Variants in NAV2 observed in about 807,000 individuals in gnomAD.
NAV2 encodes neuron navigator 2.
NAV2 carries 54 observed loss-of-function variants against 223.2 expected under a neutral mutation model. That is an observed-to-expected ratio of 0.24 (90% CI 0.19 to 0.30). The LOEUF (loss-of-function observed/expected upper bound fraction) is 0.30. Ranked by LOEUF, NAV2 falls within the 10% of genes least tolerant of loss-of-function variation. NAV2 has a pLI of 1.00. For missense variants in NAV2, 2,806 were observed against 3,147.5 expected, an observed-to-expected ratio of 0.89 and a Z score of 2.60; for synonymous variants, 1,279 against 1,239.3, an observed-to-expected ratio of 1.03 and a Z score of -0.67.
At chr11:19,707,306 T>C (rs574573524) in intron 1 of NAV2, among the ~76,000 whole-genome samples, 1 of 152,388 alleles carries the variant, frequency 6.6e-6, no homozygotes, top group African/African-American at 2.4e-5. Flanking sequence ...TTTTTGACTC[T>C]TGAAATAACA....
At chr11:19,816,414 A>T (rs1448414845) in intron 1 of NAV2, among the ~76,000 whole-genome samples, 1 of 152,234 alleles carries the variant, frequency 6.6e-6, no homozygotes, top group Non-Finnish European at 1.5e-5. Context: ...ATGGCCATTT[A>T]TGAGAATGTC....
At chr11:20,116,119 C>G (rs1361407809) in intron 37 of NAV2, among the ~76,000 whole-genome samples, 1 of 152,142 alleles carries the variant, frequency 6.6e-6, no homozygotes, top group East Asian at 1.9e-4. Context: ...CCCAAGCTTT[C>G]TTGGCAGGCA....
At chr11:19,785,684 G>A (rs946401905) in intron 1 of NAV2, among the ~76,000 whole-genome samples, 9 of 149,096 alleles carry the variant, frequency 6.0e-5, no homozygotes, top group African/African-American at 2.3e-4. Context: ...AGTAGTAAAT[G>A]TTCTGTCCAC....
At chr11:20,034,719 T>C (rs1350202892) in intron 11 of NAV2, among the ~76,000 whole-genome samples, 1 of 152,212 alleles carries the variant, frequency 6.6e-6, no homozygotes, top group Non-Finnish European at 1.5e-5. Context: ...TTGCTACATA[T>C]CTGCTACACC....
intron 19 of NAV2, among the ~76,000 whole-genome samples, chr11:20,058,213 A>T (rs1313655263): frequency 1.3e-5 from 2 of 152,240 alleles, no homozygotes; most frequent in Non-Finnish European, 2.9e-5. Context: ...GACCAAACAG[A>T]ACCTCCTTGT....
chr11:20,106,183 GTATATATATATATA>G lies in NAV2; in HGVS notation c.6841+490_6841+503del, dbSNP rs1182631250. On this transcript the variant is annotated intron_variant, in intron 35 of 37. Coordinates refer to ENST00000349880, the MANE Select transcript of NAV2 (RefSeq NM_145117.5). Reference sequence around the variant, plus strand: ...TATATATATATATATATATGTGTGTGTATATATATATATATATATATATATATATATATATATAT... The same window carrying G: ...TATATATATATATATATATGTGTGTGTATATATATATATATATATATATAT... Among the ~76,000 whole-genome samples the G allele has an allele frequency of 5.8e-3, 147 of 25,528 alleles. 18 individuals are homozygous for G. The highest frequency in any genetic ancestry group is 8.5e-3 in the Non-Finnish European group (89 of 10,516). 16.7% of individuals were successfully genotyped at this position (25,528 alleles called of 152,430 possible).
intron 7 of NAV2, among the ~76,000 whole-genome samples, chr11:19,936,121 A>G (rs7930062): frequency 0.17 from 24,902 of 150,680 alleles, 2,740 homozygotes; most frequent in East Asian, 0.38. Flanking sequence ...CACCCTCCTC[A>G]GCCTCCTAAA....
chr11:19,515,797 G>C (rs1036938560), intron 1 of NAV2, among the ~76,000 whole-genome samples: 3 of 152,186 alleles, frequency 2.0e-5, no homozygotes, highest in Admixed American at 2.0e-4. Flanking sequence ...AGGGTGGGGT[G>C]GGAAGTGCTA....
intron 6 of NAV2, among the ~76,000 whole-genome samples, chr11:19,911,852 G>C (rs545541111): frequency 6.6e-6 from 1 of 152,110 alleles, no homozygotes; most frequent in African/African-American, 2.4e-5. Context: ...TCCAGTGATC[G>C]GTTTATTTGT....
At chr11:19,899,992 G>A (rs1383371858) in intron 6 of NAV2, among the ~76,000 whole-genome samples, 1 of 152,160 alleles carries the variant, frequency 6.6e-6, no homozygotes, top group Non-Finnish European at 1.5e-5. Context: ...CCCAGGCCAG[G>A]GAGAGCTTAG....
intron 1 of NAV2, among the ~76,000 whole-genome samples, chr11:19,707,305 C>G (rs2049693461): frequency 1.3e-5 from 2 of 152,188 alleles, no homozygotes; most frequent in African/African-American, 4.8e-5. Flanking sequence ...CTTTTTGACT[C>G]TTGAAATAAC....
intron 1 of NAV2, among the ~76,000 whole-genome samples, chr11:19,825,775 G>T (rs114268830): frequency 0.017 from 2,547 of 152,226 alleles, 64 homozygotes; most frequent in African/African-American, 0.058. Context: ...TTCTTTACTT[G>T]AATTGATCTG....
intron 2 of NAV2, among the ~76,000 whole-genome samples, chr11:19,833,631 TA>T (rs1434393741): frequency 6.6e-6 from 1 of 152,260 alleles, no homozygotes; most frequent in African/African-American, 2.4e-5. Context: ...CTTAGCCACT[TA>T]AAACAACATG....
intron 1 of NAV2, among the ~76,000 whole-genome samples, chr11:19,735,885 T>C (rs2052244236): frequency 6.6e-6 from 1 of 152,084 alleles, no homozygotes; most frequent in South Asian, 2.1e-4. Context: ...GAGGCTGACA[T>C]TGCGGGGAGG....
intron 1 of NAV2, among the ~76,000 whole-genome samples, chr11:19,375,835 G>T (rs1207835680): frequency 1.3e-5 from 2 of 151,906 alleles, no homozygotes; most frequent in African/African-American, 2.4e-5. Context: ...GATGGTGGGG[G>T]GTGTGTGTTT....
intron 10 of NAV2, among the ~76,000 whole-genome samples, chr11:19,967,610 A>C (rs1248987955): frequency 6.6e-6 from 1 of 152,140 alleles, no homozygotes; most frequent in Non-Finnish European, 1.5e-5. Context: ...ATAAGGAAAA[A>C]TGTGCCCAAA....
intron 6 of NAV2, among the ~76,000 whole-genome samples, chr11:19,900,347 A>G (rs965182208): frequency 6.6e-6 from 1 of 152,198 alleles, no homozygotes; most frequent in Non-Finnish European, 1.5e-5. Context: ...GGGCCTTGCA[A>G]TCAAAGAGAA....
At chr11:20,071,063 G>A (rs951922785) in intron 22 of NAV2, among the ~76,000 whole-genome samples, 1 of 151,700 alleles carries the variant, frequency 6.6e-6, no homozygotes, top group Non-Finnish European at 1.5e-5. Flanking sequence ...CCATCAACTC[G>A]TCATCTACAT....
At chr11:19,559,864 G>T (rs2045036333) in intron 1 of NAV2, among the ~76,000 whole-genome samples, 1 of 152,118 alleles carries the variant, frequency 6.6e-6, no homozygotes, top group South Asian at 2.1e-4. Flanking sequence ...TGTCTCCAGA[G>T]CCCCCTTCTC....
Sources: allele counts gnomAD v4.1 joint callset (sites outside exome capture counted in the v4.1 genomes callset), GRCh38; gene constraint gnomAD v4.1.1; transcripts MANE v1.5; gene names NCBI Gene and HGNC (gene_info 2026-07-23, HGNC 2026-07-21).